The following GALNT17 variants were observed in gnomAD, a reference collection of about 807,000 sequenced individuals.
GALNT17 encodes UDP-GalNAc:polypeptide N-acetylgalactosaminyltransferase-like 3.
Under a neutral mutation model 63.7 loss-of-function variants are expected in GALNT17, and 29 were observed. That is an observed-to-expected ratio of 0.46 (90% CI 0.34 to 0.62). GALNT17 has a LOEUF of 0.62. GALNT17 is among the 20% of genes least tolerant of loss of function. The probability of loss-of-function intolerance (pLI) is 0.01; values close to 1 mark genes in which losing one functional copy is unlikely to be tolerated. For missense variants in GALNT17, 603 were observed against 799.6 expected (o/e 0.75, Z 2.97); for synonymous variants, 305 against 318.3 (o/e 0.96, Z 0.45).
At position 71,518,654 on chromosome 7, in the gene GALNT17, A is replaced by G. The variant is rs151156665; in HGVS notation, c.963-52631A>G. 4.5e-4 allele frequency among the ~76,000 whole-genome samples: 68 copies of G among 152,314 alleles called. No homozygotes were observed. The East Asian group carries it at 0.013, about 29-fold the overall frequency. On this transcript the variant is annotated intron_variant, in intron 5 of 10. Coordinates refer to ENST00000333538, the MANE Select transcript of GALNT17 (RefSeq NM_022479.3). ...TATAGATTTTAAAGCAGCTTTCTCT[A>G]AACAGGATTTGGATATACTCCCACA... is the stretch of plus-strand genomic sequence containing the variant.
intron 2 of GALNT17, among the ~76,000 whole-genome samples, chr7:71,341,270 AGAAAT>A (rs1792001029): frequency 6.6e-6 from 1 of 152,228 alleles, no homozygotes; most frequent in African/African-American, 2.4e-5. Flanking sequence ...GTAGAAAAAA[AGAAAT>A]GAAAATTAGG....
intron 6 of GALNT17, among the ~76,000 whole-genome samples, chr7:71,604,466 T>C (rs1270730274): frequency 6.6e-6 from 1 of 152,224 alleles, no homozygotes; most frequent in Non-Finnish European, 1.5e-5. Context: ...TGTTAAGTGC[T>C]CATTGCCTTA....
At chr7:71,697,248 C>T (rs533098493) in intron 9 of GALNT17, among the ~76,000 whole-genome samples, 1 of 152,174 alleles carries the variant, frequency 6.6e-6, no homozygotes, top group South Asian at 2.1e-4. Context: ...ACCTGCAGGA[C>T]TGGGTAGGGT....
At chr7:71,182,221 T>C (rs1303100526) in intron 1 of GALNT17, among the ~76,000 whole-genome samples, 1 of 152,178 alleles carries the variant, frequency 6.6e-6, no homozygotes, top group Admixed American at 6.5e-5. Context: ...TGGCACTTTG[T>C]GGGTGCTATC....
intron 6 of GALNT17, among the ~76,000 whole-genome samples, chr7:71,656,423 A>T (rs1055735845): frequency 6.6e-6 from 1 of 152,030 alleles, no homozygotes; most frequent in Non-Finnish European, 1.5e-5. Context: ...AGGAAACATC[A>T]TGGGATTGAG....
chr7:71,671,491 C>T (rs201289803), intron 8 of GALNT17, among the ~76,000 whole-genome samples: 4 of 152,056 alleles, frequency 2.6e-5, no homozygotes, highest in East Asian at 1.9e-4. Context: ...GAGTGGTGAC[C>T]CTCCTGAGCT....
intron 6 of GALNT17, among the ~76,000 whole-genome samples, chr7:71,634,476 A>G (rs1268743916): frequency 3.3e-5 from 5 of 152,332 alleles, no homozygotes; most frequent in African/African-American, 1.2e-4. Context: ...AATATAAGCC[A>G]GGCACGGTGG....
chr7:71,369,067 G>A (rs1195613483), intron 2 of GALNT17, among the ~76,000 whole-genome samples: 3 of 152,168 alleles, frequency 2.0e-5, no homozygotes, highest in Admixed American at 2.0e-4. Context: ...GATATCCTGG[G>A]AGGGGAATCA....
At chr7:71,443,630 C>T (rs554252654) in intron 5 of GALNT17, among the ~76,000 whole-genome samples, 1 of 152,296 alleles carries the variant, frequency 6.6e-6, no homozygotes, top group African/African-American at 2.4e-5. Flanking sequence ...CAGGCCCTCA[C>T]CAGGAGCAGA....
intron 1 of GALNT17, among the ~76,000 whole-genome samples, chr7:71,154,134 C>T (rs1401945489): frequency 6.6e-6 from 1 of 152,024 alleles, no homozygotes; most frequent in Non-Finnish European, 1.5e-5. Flanking sequence ...TGAGGGTGCT[C>T]TTCAGGGACA....
At chr7:71,381,633 G>T (rs1008996713) in intron 2 of GALNT17, among the ~76,000 whole-genome samples, 36 of 152,050 alleles carry the variant, frequency 2.4e-4, no homozygotes, top group Non-Finnish European at 4.9e-4. Flanking sequence ...GCAAAAATTA[G>T]CTGGGTGTGG....
intron 1 of GALNT17, among the ~76,000 whole-genome samples, chr7:71,237,632 T>G (rs144212308): frequency 6.6e-6 from 1 of 151,550 alleles, no homozygotes; most frequent in Admixed American, 6.6e-5. Flanking sequence ...CTACTGCGAG[T>G]TATAATCAGG....
chr7:71,380,333 A>G (rs1161744412), intron 2 of GALNT17, among the ~76,000 whole-genome samples: 3 of 151,988 alleles, frequency 2.0e-5, no homozygotes, highest in Non-Finnish European at 2.9e-5. Flanking sequence ...TATTAGTATT[A>G]ATATTATTAT....
chr7:71,513,600 C>T (rs974121077), intron 5 of GALNT17, among the ~76,000 whole-genome samples: 5 of 151,854 alleles, frequency 3.3e-5, no homozygotes, highest in South Asian at 2.1e-4. Flanking sequence ...TGGCCAGGCT[C>T]GTCTCTAACT....
chr7:71,649,759 C>T (rs913542550), intron 6 of GALNT17, among the ~76,000 whole-genome samples: 3 of 152,158 alleles, frequency 2.0e-5, no homozygotes, highest in Non-Finnish European at 4.4e-5. Context: ...TAGTTAGCAA[C>T]TGCAGGGAAG....
chr7:71,588,893 C>T (rs1013154697), intron 6 of GALNT17, among the ~76,000 whole-genome samples: 1 of 152,064 alleles, frequency 6.6e-6, no homozygotes, highest in Admixed American at 6.5e-5. Context: ...CTCCACCCTC[C>T]CTCCCCCAAA....
intron 1 of GALNT17, among the ~76,000 whole-genome samples, chr7:71,276,079 A>T (rs747752293): frequency 2.0e-5 from 3 of 152,102 alleles, no homozygotes; most frequent in Non-Finnish European, 4.4e-5. Context: ...TGTCCATCAG[A>T]ACAGAAGCAC....
intron 1 of GALNT17, among the ~76,000 whole-genome samples, chr7:71,305,651 G>T (rs1241417360): frequency 6.6e-6 from 1 of 152,182 alleles, no homozygotes; most frequent in African/African-American, 2.4e-5. Context: ...GGCCCCTCCA[G>T]GAAGTTGTCA....
At chr7:71,596,256 T>C (rs1789884570) in intron 6 of GALNT17, among the ~76,000 whole-genome samples, 1 of 152,080 alleles carries the variant, frequency 6.6e-6, no homozygotes, top group East Asian at 1.9e-4. Flanking sequence ...GCCAGGCTGG[T>C]CTCAAACTCC....
Sources: gnomAD v4.1 joint callset for allele counts (sites outside exome capture counted in the v4.1 genomes callset) on GRCh38, gnomAD v4.1.1 for gene constraint, MANE v1.5 for transcripts, NCBI Gene and HGNC (gene_info 2026-07-23, HGNC 2026-07-21) for gene names.